The following FRY variants were observed in gnomAD, a reference collection of about 807,000 sequenced individuals.
FRY encodes protein furry homolog.
FRY carries 128 observed loss-of-function variants against 348.4 expected under a neutral mutation model. The observed-to-expected ratio is 0.37, with a 90% CI of 0.32 to 0.43. The LOEUF is 0.43. FRY is among the 20% of genes least tolerant of loss of function. FRY has a pLI of 1.00. For synonymous variants in FRY, 1,370 were observed against 1,374.7 expected (o/e 1.00, Z 0.08); for missense variants, 2,736 against 3,695.2 (o/e 0.74, Z 6.73).
Position 32,157,262 on chromosome 13 carries a change from A to G in FRY, c.1652-11A>G, listed in dbSNP as rs747055366. 2 of 1,608,512 alleles carry G rather than the reference A, an allele frequency of 1.2e-6. No homozygotes were observed. Among genetic ancestry groups the G allele is most frequent in the Non-Finnish European group, 1.7e-6 (2 of 1,175,228 alleles). On this transcript the variant is annotated splice_polypyrimidine_tract_variant and intron_variant, in intron 15 of 60. Transcript: ENST00000542859. ...TCAGTTGAAGGTATAACTATAATGCATGTTTTTCAGGCATGTCCTTATATT... is the reference window on the plus strand; with the variant it reads ...TCAGTTGAAGGTATAACTATAATGCGTGTTTTTCAGGCATGTCCTTATATT...
intron 57 of FRY, among the ~76,000 whole-genome samples, chr13:32,276,764 A>G (rs1333524452): frequency 6.6e-6 from 1 of 152,128 alleles, no homozygotes; most frequent in Non-Finnish European, 1.5e-5. Context: ...CAAAAGAGAA[A>G]TTTTTCAGCA....
At chr13:32,118,950 A>C (rs1166250513) in intron 4 of FRY, among the ~76,000 whole-genome samples, 1 of 152,112 alleles carries the variant, frequency 6.6e-6, no homozygotes, top group Non-Finnish European at 1.5e-5. Context: ...AGTTGAATTG[A>C]GTTTTAGTTT....
Position 32,267,332 on chromosome 13 carries a change from A to G in FRY, c.8109A>G (p.Thr2703=). Residue 2703 remains threonine (T), a synonymous_variant, in exon 55 of 61, where the codon ACA becomes ACG. Coordinates refer to ENST00000542859, the MANE Select transcript of FRY (RefSeq NM_023037.3). ...CAGATGGCTCCTGTGCTGTGTATACATTTCATGTGTTCTCCTCCTTGTTTA... is the reference window on the plus strand; with the variant it reads ...CAGATGGCTCCTGTGCTGTGTATACGTTTCATGTGTTCTCCTCCTTGTTTA... The part of the protein sequence containing the change: ...CDSDGSCAVY[T]FHVFSSLFKN... The G allele has an allele frequency of 5.0e-6, 8 of 1,614,094 alleles. No individual in the cohort carries two copies. Among genetic ancestry groups the G allele is most frequent in the Non-Finnish European group, 6.8e-6 (8 of 1,180,000 alleles).
intron 41 of FRY, among the ~76,000 whole-genome samples, chr13:32,233,044 TAAAC>T (rs1269162850): frequency 2.6e-5 from 4 of 152,132 alleles, no homozygotes; most frequent in Admixed American, 1.3e-4. Flanking sequence ...TTTATTTTGA[TAAAC>T]AAAATAAAGA....
chr13:32,124,759 A>G, intron 6 of FRY, 36 bp from the exon 7 acceptor site: 1 of 1,549,992 alleles, frequency 6.5e-7, no homozygotes. Context: ...TCCGATGACC[A>G]GGGATCCCTA....
chr13:32,131,850 T>G lies in FRY; in HGVS notation c.885+10T>G, dbSNP rs768578140. 6 of 1,608,828 alleles carry G rather than the reference T, an allele frequency of 3.7e-6. No individual in the cohort carries two copies. Among genetic ancestry groups the G allele is most frequent in the Non-Finnish European group, 5.1e-6 (6 of 1,175,310 alleles). ...TCTTCAGTTTATGCAGGTAATGTCT[T>G]AGGCAGGAGAGCTAAGGTGCTCTCA... On this transcript the variant is annotated intron_variant, in intron 8 of 60. Coordinates refer to ENST00000542859, the MANE Select transcript of FRY (RefSeq NM_023037.3).
At chr13:32,111,764 C>T (rs117426664) in intron 3 of FRY, among the ~76,000 whole-genome samples, 3,512 of 152,264 alleles carry the variant, frequency 0.023, 61 homozygotes, top group Non-Finnish European at 0.033. Flanking sequence ...GGACTCAACA[C>T]TTTTCTCAGA....
rs1471017155 is a variant in FRY, at chr13:32,299,015, G to A, written c.*3555G>A. On this transcript the variant is annotated 3_prime_UTR_variant, in exon 61 of 61. Transcript: ENST00000542859. The stretch of plus-strand genomic sequence containing the variant: ...GCTCTATAACAAAAGTTCCGTTGTG[G>A]TGGTTATACAGCATTGTGAATGTAC... The A allele has an allele frequency of 6.6e-6, 1 of 152,210 alleles. No homozygotes were observed. The highest frequency in any genetic ancestry group is 1.5e-5 in the Non-Finnish European group (1 of 68,020). 9.4% of individuals were successfully genotyped at this position (152,210 alleles called of 1,614,324 possible). A position where few individuals can be genotyped will look rare whatever the true frequency, so the allele number is the denominator to read the frequency against.
chr13:32,130,769 C>T (rs777775245), intron 7 of FRY, among the ~76,000 whole-genome samples: 7 of 151,908 alleles, frequency 4.6e-5, no homozygotes, highest in Non-Finnish European at 1.0e-4. Flanking sequence ...AATAGACAGC[C>T]CATTCATCTT....
At chr13:32,070,282 T>A (rs1466045370) in intron 1 of FRY, among the ~76,000 whole-genome samples, 3 of 152,222 alleles carry the variant, frequency 2.0e-5, no homozygotes, top group Non-Finnish European at 4.4e-5. Context: ...CCTTGAGGAA[T>A]CGCCACACAG....
intron 2 of FRY, among the ~76,000 whole-genome samples, chr13:32,079,751 T>C (rs139237726): frequency 1.0e-3 from 153 of 152,188 alleles, no homozygotes; most frequent in African/African-American, 3.1e-3. Flanking sequence ...GGAAGCGCAA[T>C]TGGTAGATTC....
At chr13:32,133,703 A>G (rs192443383) in intron 8 of FRY, among the ~76,000 whole-genome samples, 203 of 151,068 alleles carry the variant, frequency 1.3e-3, no homozygotes, top group African/African-American at 4.7e-3. Context: ...GGAAATAGCC[A>G]GTGTAGATAT....
intron 11 of FRY, among the ~76,000 whole-genome samples, chr13:32,140,695 C>G (rs1248624948): frequency 6.6e-6 from 1 of 152,130 alleles, no homozygotes; most frequent in Admixed American, 6.6e-5. Context: ...GAGGTACAAG[C>G]AGGGTATTTG....
chr13:32,110,803 T>C (rs947466279), intron 3 of FRY, among the ~76,000 whole-genome samples: 1 of 152,222 alleles, frequency 6.6e-6, no homozygotes, highest in East Asian at 1.9e-4. Context: ...TATTTCAACT[T>C]TTAAAACAGT....
intron 16 of FRY, 133 bp downstream of exon 16, chr13:32,157,538 A>AT: frequency 1.3e-6 from 1 of 780,310 alleles, no homozygotes; most frequent in Non-Finnish European, 2.1e-6. Context: ...GTTAAAAAAA[A>AT]ACCTTCACAG....
intron 55 of FRY, among the ~76,000 whole-genome samples, 184 bp from the exon 56 acceptor site, chr13:32,274,658 C>T (rs959585741): frequency 4.3e-4 from 55 of 129,266 alleles, no homozygotes; most frequent in Non-Finnish European, 7.2e-4. Flanking sequence ...GAGCCGAGAT[C>T]GCGCCACTGC....
chr13:32,110,474 T>C (rs1056275193), intron 3 of FRY, among the ~76,000 whole-genome samples: 3 of 152,130 alleles, frequency 2.0e-5, no homozygotes, highest in Non-Finnish European at 2.9e-5. Flanking sequence ...AATTAGCCCA[T>C]TTTTAAAAGT....
intron 1 of FRY, among the ~76,000 whole-genome samples, chr13:32,062,845 A>G (rs956048181): frequency 6.6e-6 from 1 of 152,062 alleles, no homozygotes; most frequent in Non-Finnish European, 1.5e-5. Context: ...GGAACTGTAT[A>G]TAGTTACCAT....
chr13:32,118,084 C>A (rs1252727743), intron 4 of FRY, among the ~76,000 whole-genome samples: 4 of 152,100 alleles, frequency 2.6e-5, no homozygotes, highest in Non-Finnish European at 2.9e-5. Flanking sequence ...ATGGAACTTG[C>A]TGCTCCAGGA....
Sources: allele counts gnomAD v4.1 joint callset (sites outside exome capture counted in the v4.1 genomes callset), GRCh38; gene constraint gnomAD v4.1.1; transcripts MANE v1.5; gene names NCBI Gene and HGNC (gene_info 2026-07-23, HGNC 2026-07-21).